TSC22D1: variants seen among roughly 807,000 people sequenced by gnomAD.
TSC22D1 encodes the protein TSC22 domain family member 1, also known as TSC22 domain family protein 1.
TSC22D1 carries 9 observed loss-of-function variants against 74.2 expected under a neutral mutation model. The observed-to-expected ratio is 0.12, with a 90% CI of 0.07 to 0.21. The LOEUF is 0.21. TSC22D1 is among the 10% of genes least tolerant of loss of function. The pLI is 1.00. For synonymous variants in TSC22D1, 586 were observed against 492.5 expected (o/e 1.19, Z -2.51); for missense variants, 1,427 against 1,304.7 (o/e 1.09, Z -1.44).
intron 1 of TSC22D1, among the ~76,000 whole-genome samples, chr13:44,476,367 T>C (rs1056891337): frequency 2.0e-5 from 3 of 152,160 alleles, no homozygotes; most frequent in African/African-American, 7.2e-5. Flanking sequence ...TCAACAATTA[T>C]ATAAATTATT....
chr13:44,448,833 G>C (rs1875892178), intron 1 of TSC22D1, among the ~76,000 whole-genome samples: 1 of 152,038 alleles, frequency 6.6e-6, no homozygotes, highest in Non-Finnish European at 1.5e-5. Context: ...ATGGAGCATA[G>C]AACCAAATGC....
In TSC22D1 at chr13:44,434,731, A is replaced by G; in HGVS notation, c.3117T>C (p.Phe1039=). ...GGGAGCCAGTCTGCAGCTGGGCCTG[A>G]AACTGGGCAAGCTGCTCAGGACTGG... is the stretch of plus-strand genomic sequence containing the variant. ...TLASPEQLAQ[F]QAQLQTGSPP... is the part of the protein sequence containing the mutation. Residue 1039 remains phenylalanine, a synonymous_variant, in exon 3 of 3, where the codon TTT becomes TTC. Coordinates refer to ENST00000458659, the MANE Select transcript of TSC22D1 (RefSeq NM_183422.4). The G allele has an allele frequency of 6.2e-7, 1 of 1,613,644 alleles. No individual in the cohort carries two copies. The highest frequency in any genetic ancestry group is 1.1e-5 in the South Asian group (1 of 91,020).
intron 1 of TSC22D1, among the ~76,000 whole-genome samples, chr13:44,511,619 TACACACAC>T (rs66743224): frequency 2.0e-4 from 29 of 148,168 alleles, no homozygotes; most frequent in Middle Eastern, 3.5e-3. Context: ...TAAAAAGAAA[TACACACAC>T]ACACACACAC....
chr13:44,498,159 A>T (rs1375581216), intron 1 of TSC22D1, among the ~76,000 whole-genome samples: 1 of 151,996 alleles, frequency 6.6e-6, no homozygotes, highest in African/African-American at 2.4e-5. Context: ...TTAGCTGGGC[A>T]AGGTGGCATG....
At chr13:44,459,058 C>T (rs1566123177) in intron 1 of TSC22D1, among the ~76,000 whole-genome samples, 2 of 152,162 alleles carry the variant, frequency 1.3e-5, no homozygotes, top group African/African-American at 4.8e-5. Flanking sequence ...CTGCCAGTTC[C>T]GGGTGGAGTC....
intron 1 of TSC22D1, among the ~76,000 whole-genome samples, chr13:44,526,660 T>C (rs528179397): frequency 9.2e-5 from 14 of 152,226 alleles, no homozygotes; most frequent in Non-Finnish European, 1.8e-4. Flanking sequence ...AAGGCATAGC[T>C]GACTGGAAGC....
At chr13:44,435,504 A>C (rs1192550705) in intron 2 of TSC22D1, among the ~76,000 whole-genome samples, 1 of 152,238 alleles carries the variant, frequency 6.6e-6, no homozygotes, top group Non-Finnish European at 1.5e-5. Flanking sequence ...AAGAACGGCC[A>C]AGGCGGAAAT....
At chr13:44,541,104 A>AT (rs2138097402) in intron 1 of TSC22D1, among the ~76,000 whole-genome samples, 1 of 152,314 alleles carries the variant, frequency 6.6e-6, no homozygotes, top group East Asian at 1.9e-4. Flanking sequence ...CTGTTAGTGG[A>AT]ACGAGGATTG....
rs1347940675 is a variant in TSC22D1 at position 44,432,165 on chromosome 13, A to G, written c.*2461T>C. 1 of 152,210 alleles carries G rather than the reference A, an allele frequency of 6.6e-6. No individual in the cohort carries two copies. Among genetic ancestry groups the G allele is most frequent in the Non-Finnish European group, 1.5e-5 (1 of 68,030 alleles). The allele number at this position is 152,210 out of a possible 1,614,324, so 9.4% of individuals were successfully genotyped here. ...ATGTATGGAAAGACATCTTTTAATA[A>G]TTCATTCTTATTTCACAAATATTCA... On this transcript the variant is annotated 3_prime_UTR_variant, in exon 3 of 3. Transcript: ENST00000458659.
chr13:44,526,931 T>G (rs1566154271), intron 1 of TSC22D1, among the ~76,000 whole-genome samples: 1 of 152,082 alleles, frequency 6.6e-6, no homozygotes, highest in Non-Finnish European at 1.5e-5. Flanking sequence ...AAAAGATACT[T>G]AAAGAAGCCA....
intron 1 of TSC22D1, among the ~76,000 whole-genome samples, chr13:44,570,461 G>T (rs562320237): frequency 1.3e-5 from 2 of 151,874 alleles, no homozygotes; most frequent in Non-Finnish European, 2.9e-5. Context: ...CAAAGTGCTG[G>T]GATTACAGGT....
chr13:44,510,886 T>C (rs1879683485), intron 1 of TSC22D1, among the ~76,000 whole-genome samples: 2 of 152,222 alleles, frequency 1.3e-5, no homozygotes, highest in Non-Finnish European at 2.9e-5. Context: ...CGAGCCATCA[T>C]GTCCAGCCCA....
chr13:44,485,760 T>C (rs1300922183), intron 1 of TSC22D1, among the ~76,000 whole-genome samples: 2 of 152,106 alleles, frequency 1.3e-5, no homozygotes, highest in East Asian at 3.8e-4. Context: ...CTGGTAAACC[T>C]GTGGGCCAAT....
intron 1 of TSC22D1, among the ~76,000 whole-genome samples, chr13:44,497,566 GAACAAC>G (rs571521376): frequency 6.6e-6 from 1 of 152,020 alleles, no homozygotes; most frequent in South Asian, 2.1e-4. Context: ...AAGGAAACAA[GAACAAC>G]AACAACAACA....
intron 1 of TSC22D1, among the ~76,000 whole-genome samples, chr13:44,534,906 T>C (rs1006137143): frequency 1.3e-5 from 2 of 152,136 alleles, no homozygotes; most frequent in Non-Finnish European, 2.9e-5. Flanking sequence ...TATACTCAAC[T>C]TACCAAAGTA....
intron 1 of TSC22D1, among the ~76,000 whole-genome samples, chr13:44,531,537 T>C (rs1008304367): frequency 3.3e-5 from 5 of 152,192 alleles, no homozygotes; most frequent in Admixed American, 1.3e-4. Context: ...TAAATATACC[T>C]GAAGCATCTA....
chr13:44,544,271 T>G (rs1881668873), intron 1 of TSC22D1, among the ~76,000 whole-genome samples: 1 of 151,738 alleles, frequency 6.6e-6, no homozygotes, highest in African/African-American at 2.4e-5. Flanking sequence ...TTTTCAGAGA[T>G]TTAAAAGTAG....
intron 1 of TSC22D1, among the ~76,000 whole-genome samples, chr13:44,473,623 GTGTA>G (rs1877732661): frequency 1.3e-5 from 2 of 152,132 alleles, no homozygotes; most frequent in South Asian, 4.2e-4. Flanking sequence ...GTGTGTGTGT[GTGTA>G]TATATTTAGC....
chr13:44,451,659 T>C (rs1050875730), intron 1 of TSC22D1, among the ~76,000 whole-genome samples: 3 of 152,208 alleles, frequency 2.0e-5, no homozygotes, highest in Non-Finnish European at 2.9e-5. Flanking sequence ...ATGACATGCA[T>C]ATTTCTCACC....
Sources: allele counts gnomAD v4.1 joint callset (sites outside exome capture counted in the v4.1 genomes callset), GRCh38; gene constraint gnomAD v4.1.1; transcripts MANE v1.5; gene names NCBI Gene and HGNC (gene_info 2026-07-23, HGNC 2026-07-21).